The following OSBPL10 variants were observed in gnomAD, a reference collection of about 807,000 sequenced individuals.
The protein encoded by OSBPL10 is oxysterol binding protein like 10.
Under a neutral mutation model 81.7 loss-of-function variants are expected in OSBPL10, and 49 were observed. The observed-to-expected ratio is 0.60, with a 90% CI of 0.48 to 0.76. The LOEUF is 0.76. Ranked by LOEUF, OSBPL10 falls within the 30% of genes least tolerant of loss-of-function variation. The probability of loss-of-function intolerance (pLI) is 0.00; values close to 1 mark genes in which losing one functional copy is unlikely to be tolerated. For missense variants in OSBPL10, 923 were observed against 987.8 expected, an observed-to-expected ratio of 0.93 and a Z score of 0.88; for synonymous variants, 419 against 383.6, an observed-to-expected ratio of 1.09 and a Z score of -1.08.
At chr3:31,695,470 C>T (rs1268386300) in intron 7 of OSBPL10, among the ~76,000 whole-genome samples, 1 of 152,162 alleles carries the variant, frequency 6.6e-6, no homozygotes, top group African/African-American at 2.4e-5. Context: ...TGTGGTCTCA[C>T]TTCCCTCCAC....
intron 3 of OSBPL10, among the ~76,000 whole-genome samples, chr3:31,873,750 T>C (rs1701386947): frequency 6.6e-6 from 1 of 152,226 alleles, no homozygotes; most frequent in Non-Finnish European, 1.5e-5. Flanking sequence ...ATAACCATGA[T>C]GCAAATTAAG....
At chr3:31,678,675 C>G (rs1700550976) in intron 8 of OSBPL10, among the ~76,000 whole-genome samples, 1 of 152,088 alleles carries the variant, frequency 6.6e-6, no homozygotes, top group South Asian at 2.1e-4. Context: ...CTGGCTTTCT[C>G]AGGCCTTGAC....
intron 5 of OSBPL10, among the ~76,000 whole-genome samples, chr3:31,744,553 G>C (rs867030185): frequency 1.2e-5 from 1 of 85,326 alleles, no homozygotes; most frequent in Non-Finnish European, 2.5e-5. Flanking sequence ...AAAAAAAAAG[G>C]AAAGAAAGAA....
At chr3:31,949,387 G>A (rs371243765) in intron 1 of OSBPL10, among the ~76,000 whole-genome samples, 23 of 151,282 alleles carry the variant, frequency 1.5e-4, no homozygotes, top group East Asian at 5.9e-4. Context: ...ACTGGGTTCC[G>A]GCTGGGCACG....
intron 4 of OSBPL10, among the ~76,000 whole-genome samples, chr3:31,783,879 A>T (rs1288261789): frequency 1.9e-4 from 27 of 138,540 alleles, no homozygotes; most frequent in Admixed American, 5.2e-4. Flanking sequence ...AATAAAAATT[A>T]AAAAAATTTG....
In OSBPL10 at chr3:31,712,469, C is replaced by T. The variant is rs145137324; in HGVS notation, c.1096-9961G>A. On this transcript the variant is annotated intron_variant, in intron 6 of 11. Coordinates refer to ENST00000396556, the MANE Select transcript of OSBPL10 (RefSeq NM_017784.5). ...GTGGCCTTGATGTAAAAACATGAAT[C>T]GCTAAAGTTAGAGAATCTTTCCACG... Among the ~76,000 whole-genome samples the T allele has an allele frequency of 2.0e-5, 3 of 152,286 alleles. No individual in the cohort carries two copies. The East Asian group carries it at 5.8e-4, about 29-fold the overall frequency.
At chr3:32,044,710 C>G (rs933465034) in intron 2 of OSBPL10, among the ~76,000 whole-genome samples, 3 of 135,306 alleles carry the variant, frequency 2.2e-5, no homozygotes, top group Non-Finnish European at 4.6e-5. Context: ...CATTGCACTC[C>G]AGCCTGGGCA....
chr3:31,845,697 G>A lies in OSBPL10; in HGVS notation c.538-15466C>T, dbSNP rs563518232. 1.4e-4 allele frequency among the ~76,000 whole-genome samples: 22 copies of A among 152,156 alleles called. No homozygotes were observed. In the South Asian group the frequency reaches 4.2e-3, roughly 29 times the overall value. On this transcript the variant is annotated intron_variant, in intron 3 of 11. Coordinates refer to ENST00000396556, the MANE Select transcript of OSBPL10 (RefSeq NM_017784.5). ...AGCACACATTATAAAGAGAAAAAAG[G>A]CAAAAAGCAGTCACTCCACCAAGTC...
intron 3 of OSBPL10, among the ~76,000 whole-genome samples, chr3:31,844,158 T>G (rs576418819): frequency 6.6e-6 from 1 of 152,378 alleles, no homozygotes; most frequent in African/African-American, 2.4e-5. Flanking sequence ...ACCCATGTAT[T>G]ATCTTTGGGA....
chr3:32,015,676 G>T (rs1359956795), intron 2 of OSBPL10, among the ~76,000 whole-genome samples: 1 of 152,058 alleles, frequency 6.6e-6, no homozygotes, highest in East Asian at 1.9e-4. Context: ...CTACAGAATG[G>T]GAGAAAATGT....
chr3:31,928,788 C>CCAGAATGTATATTTAT (rs1366801227), intron 1 of OSBPL10, among the ~76,000 whole-genome samples: 1 of 142,324 alleles, frequency 7.0e-6, no homozygotes, highest in Admixed American at 7.0e-5. Context: ...AAAAGAATGC[C>CCAGAATGTATATTTAT]CAGAATGTAT....
At chr3:32,070,267 A>T (rs1276460885) in intron 1 of OSBPL10, among the ~76,000 whole-genome samples, 9 of 152,148 alleles carry the variant, frequency 5.9e-5, no homozygotes, top group Non-Finnish European at 1.2e-4. Context: ...CCAAGCTTCA[A>T]AACCCCTTAA....
intron 3 of OSBPL10, among the ~76,000 whole-genome samples, chr3:31,845,130 ATT>A (rs34735182): frequency 7.9e-5 from 12 of 151,434 alleles, no homozygotes; most frequent in Admixed American, 3.3e-4. Flanking sequence ...TTTCATATCA[ATT>A]TTTTTTTAAT....
intron 3 of OSBPL10, among the ~76,000 whole-genome samples, chr3:31,838,958 A>T (rs1700430417): frequency 6.6e-6 from 1 of 152,208 alleles, no homozygotes; most frequent in Admixed American, 6.5e-5. Flanking sequence ...ATTACTCAGG[A>T]ATCATCTGTC....
intron 2 of OSBPL10, among the ~76,000 whole-genome samples, chr3:32,039,360 TA>T (rs36117908): frequency 0.69 from 100,752 of 145,112 alleles, 36,522 homozygotes; most frequent in South Asian, 0.85. Context: ...ATTAGTTAAT[TA>T]AAAAAAAAAA....
chr3:32,002,783 G>GTCTAAGATTTTAGAGAAAAAAGGTTTCT (rs1289221899), intron 2 of OSBPL10, among the ~76,000 whole-genome samples: 9 of 152,184 alleles, frequency 5.9e-5, no homozygotes, highest in South Asian at 4.1e-4. Flanking sequence ...ACTACAGTGT[G>GTCTAAGATTTTAGAGAAAAAAGGTTTCT]CCCCTTGGGA....
At chr3:31,824,080 A>C (rs141826166) in intron 4 of OSBPL10, among the ~76,000 whole-genome samples, 638 of 152,266 alleles carry the variant, frequency 4.2e-3, no homozygotes, top group Admixed American at 7.1e-3. Context: ...GGCTTGTCTT[A>C]AACTCCTGAG....
At chr3:31,824,275 T>C (rs371656729) in intron 4 of OSBPL10, among the ~76,000 whole-genome samples, 5 of 152,132 alleles carry the variant, frequency 3.3e-5, no homozygotes, top group Non-Finnish European at 7.3e-5. Flanking sequence ...GAAGAGCTCA[T>C]GGGATCACCT....
chr3:31,701,852 G>T (rs1695905318), intron 7 of OSBPL10: 1 of 154,032 alleles, frequency 6.5e-6, no homozygotes, highest in African/African-American at 2.4e-5. Flanking sequence ...ATGAGATTTG[G>T]ATCAGCAACA....
Sources: allele counts gnomAD v4.1 joint callset (sites outside exome capture counted in the v4.1 genomes callset), GRCh38; gene constraint gnomAD v4.1.1; transcripts MANE v1.5; gene names NCBI Gene and HGNC (gene_info 2026-07-23, HGNC 2026-07-21).